Variants in CCDC71L observed in about 807,000 individuals in gnomAD.
The protein encoded by CCDC71L is coiled-coil domain-containing protein 71L.
Under a neutral mutation model 10.2 loss-of-function variants are expected in CCDC71L, and 6 were observed. The ratio of observed to expected loss-of-function variants is 0.59; its 90% CI spans 0.32 to 1.16. The LOEUF (loss-of-function observed/expected upper bound fraction) is 1.16. Among genes scored for constraint, CCDC71L ranks in the 50% most tolerant of loss-of-function variants. The pLI is 0.05. For synonymous variants in CCDC71L, 204 were observed against 175.5 expected (o/e 1.16, Z -1.28); for missense variants, 366 against 383.4 (o/e 0.95, Z 0.38).
chr7:106,660,510 C>G lies in CCDC71L; in HGVS notation c.387G>C (p.Ala129=). ...GGGCTCCGCGGCGCCTCCTCCTGGC[C>G]GCTGCGCGCGGAACCGGCCGGCGCG... ...GQARRPVPRA[A]ARRRRRGARA... The change falls in exon 1 of 1, where the codon GCG becomes GCC. Residue 129 remains alanine, a synonymous_variant. Coordinates refer to ENST00000523505, the MANE Select transcript of CCDC71L (RefSeq NM_175884.6). The surrounding 1 kb of genome is among the most constrained non-coding windows in gnomAD (Gnocchi z 7.5). 1 of 1,354,106 alleles carries G rather than the reference C, an allele frequency of 7.4e-7. No individual in the cohort carries two copies. Among genetic ancestry groups the G allele is most frequent in the Non-Finnish European group, 9.5e-7 (1 of 1,050,188 alleles). 83.9% of individuals were successfully genotyped at this position (1,354,106 alleles called of 1,614,324 possible). A position where few individuals can be genotyped will look rare whatever the true frequency, so the allele number is the denominator to read the frequency against.
At position 106,659,299 on chromosome 7, in the gene CCDC71L, T is replaced by G. The variant is rs1792545816; in HGVS notation, c.*890A>C. On this transcript the variant is annotated 3_prime_UTR_variant, in exon 1 of 1. Coordinates refer to ENST00000523505, the MANE Select transcript of CCDC71L (RefSeq NM_175884.6). Reference sequence around the variant, plus strand: ...CAAATCATCTCCAGTCGGATTCCAGTGACTCCTGTAACCAAAACCAGTTCT... The same window carrying G: ...CAAATCATCTCCAGTCGGATTCCAGGGACTCCTGTAACCAAAACCAGTTCT... 6.6e-6 allele frequency: 1 copy of G among 152,286 alleles called. No homozygotes were observed. Among genetic ancestry groups the G allele is most frequent in the Non-Finnish European group, 1.5e-5 (1 of 68,030 alleles). The allele number at this position is 152,286 out of a possible 1,614,324, so 9.4% of individuals were successfully genotyped here. A position where few individuals can be genotyped will look rare whatever the true frequency, so the allele number is the denominator to read the frequency against.
Position 106,654,907 on chromosome 7 carries a change from T to A in CCDC71L, c.*5282A>T, listed in dbSNP as rs1178735258. ...AGAATATGTACTTGAAAAAAATCCT[T>A]GAAAAGAGAAATATGTACACATTTT... is the stretch of plus-strand genomic sequence containing the variant. On this transcript the variant is annotated 3_prime_UTR_variant, in exon 1 of 1. Transcript: ENST00000523505. Among the ~76,000 whole-genome samples the A allele has an allele frequency of 6.6e-6, 1 of 152,168 alleles. No individual in the cohort carries two copies. Among genetic ancestry groups the A allele is most frequent in the Admixed American group, 6.5e-5 (1 of 15,288 alleles).
rs1425489573 is a variant in CCDC71L at position 106,660,921 on chromosome 7, G to A, written c.-25C>T. 7 of 1,343,314 alleles carry A rather than the reference G, an allele frequency of 5.2e-6. No homozygotes were observed. The Admixed American group carries it at 1.6e-4, about 31-fold the overall frequency. 83.2% of individuals were successfully genotyped at this position (1,343,314 alleles called of 1,614,324 possible). A position where few individuals can be genotyped will look rare whatever the true frequency, so the allele number is the denominator to read the frequency against. On this transcript the variant is annotated 5_prime_UTR_variant, in exon 1 of 1. Transcript: ENST00000523505. The surrounding 1 kb of genome is among the most constrained non-coding windows in gnomAD (Gnocchi z 7.5). The stretch of plus-strand genomic sequence containing the variant: ...TCGAAGGCCGCTCCGGGCCACTCAC[G>A]CTCGCCGGGTCCCACTACTGCCGCC...
rs1221571269 is a variant in CCDC71L, at chr7:106,655,828, C to A, written c.*4361G>T. Among the ~76,000 whole-genome samples the A allele has an allele frequency of 1.3e-5, 2 of 152,120 alleles. No individual in the cohort carries two copies. Among genetic ancestry groups the A allele is most frequent in the African/African-American group, 4.8e-5 (2 of 41,436 alleles). On this transcript the variant is annotated 3_prime_UTR_variant, in exon 1 of 1. Coordinates refer to ENST00000523505, the MANE Select transcript of CCDC71L (RefSeq NM_175884.6). ...ATTTCCTTATGTCTTCAATTTTATTCATGCACAAATTCTCTTCTCTTCATT... is the reference window on the plus strand; with the variant it reads ...ATTTCCTTATGTCTTCAATTTTATTAATGCACAAATTCTCTTCTCTTCATT...
In CCDC71L at chr7:106,660,360, CTCCTCCA is replaced by C; in HGVS notation, c.530_536del (p.Leu177Ter). The C allele has an allele frequency of 6.9e-7, 1 of 1,442,266 alleles. No individual in the cohort carries two copies. The highest frequency in any genetic ancestry group is 9.1e-7 in the Non-Finnish European group (1 of 1,104,814). 89.3% of individuals were successfully genotyped at this position (1,442,266 alleles called of 1,614,324 possible). ...GCGTCGGGGTGGCCGCCCTCCAGAT[CTCCTCCA>C]AGGTGCGGCCCCCGAAGCAGGGCCC... On this transcript the variant is annotated frameshift_variant, in exon 1 of 1. Transcript: ENST00000523505. LOFTEE classifies it high-confidence loss of function. The surrounding 1 kb of genome is among the most constrained non-coding windows in gnomAD (Gnocchi z 7.5).
At position 106,658,977 on chromosome 7, in the gene CCDC71L, TTTC is replaced by T. The variant is rs1303161339; in HGVS notation, c.*1209_*1211del. The T allele has an allele frequency of 6.6e-6, 1 of 152,180 alleles. No homozygotes were observed. The highest frequency in any genetic ancestry group is 1.5e-5 in the Non-Finnish European group (1 of 68,030). 9.4% of individuals were successfully genotyped at this position (152,180 alleles called of 1,614,324 possible). On this transcript the variant is annotated 3_prime_UTR_variant, in exon 1 of 1. Transcript: ENST00000523505. Reference sequence around the variant, plus strand: ...AAACTGATGAATATTAGTCTAGACATTTCTTGTTATCCAACAACAAAAACAAAA... The same window carrying T: ...AAACTGATGAATATTAGTCTAGACATTTGTTATCCAACAACAAAAACAAAA...
Position 106,658,376 on chromosome 7 carries a change from ATAT to A in CCDC71L, c.*1810_*1812del, listed in dbSNP as rs1199989998. On this transcript the variant is annotated 3_prime_UTR_variant, in exon 1 of 1. Transcript: ENST00000523505. ...ATATATATGTGTGTATATATATATC[ATAT>A]TATTTCTTTTAACAAGAACACTGAA... 6.6e-6 allele frequency: 1 copy of A among 152,186 alleles called. No individual in the cohort carries two copies. Among genetic ancestry groups the A allele is most frequent in the Non-Finnish European group, 1.5e-5 (1 of 68,032 alleles). 9.4% of individuals were successfully genotyped at this position (152,186 alleles called of 1,614,324 possible).
chr7:106,655,510 T>C lies in CCDC71L; in HGVS notation c.*4679A>G, dbSNP rs1215215085. Among the ~76,000 whole-genome samples, 1 of 152,174 alleles carries C rather than the reference T, an allele frequency of 6.6e-6. No homozygotes were observed. The highest frequency in any genetic ancestry group is 1.5e-5 in the Non-Finnish European group (1 of 68,022). On this transcript the variant is annotated 3_prime_UTR_variant, in exon 1 of 1. Transcript: ENST00000523505. ...TGAATTATAAACTTTATACAAACTA[T>C]AGCTTGGTTCTATGCATATAAATTA...
In CCDC71L at chr7:106,660,093, G is replaced by A. The variant is rs954396822; in HGVS notation, c.*96C>T. ...TGCATTGGGGGCCGGGGTCCTGGCC[G>A]GATCTGTAAACACTCGACTGACACT... On this transcript the variant is annotated 3_prime_UTR_variant, in exon 1 of 1. Coordinates refer to ENST00000523505, the MANE Select transcript of CCDC71L (RefSeq NM_175884.6). The surrounding 1 kb of genome is among the most constrained non-coding windows in gnomAD (Gnocchi z 7.5). 21 of 1,368,472 alleles carry A rather than the reference G, an allele frequency of 1.5e-5. No individual in the cohort carries two copies. The African/African-American group carries it at 1.8e-4, about 12-fold the overall frequency. 84.8% of individuals were successfully genotyped at this position (1,368,472 alleles called of 1,614,324 possible). A position where few individuals can be genotyped will look rare whatever the true frequency, so the allele number is the denominator to read the frequency against.
At position 106,660,875 on chromosome 7, in the gene CCDC71L, G is replaced by A. The variant is rs1360063520; in HGVS notation, c.22C>T (p.Arg8Trp). The A allele has an allele frequency of 4.8e-6, 7 of 1,457,228 alleles. No individual in the cohort carries two copies. The highest frequency in any genetic ancestry group is 3.0e-5 in the African/African-American group (2 of 67,318). 90.3% of individuals were successfully genotyped at this position (1,457,228 alleles called of 1,614,324 possible). A position where few individuals can be genotyped will look rare whatever the true frequency, so the allele number is the denominator to read the frequency against. ...GGGGCGACCGGGCGCCGGCGCCGCC[G>A]CCTCTTCATACTGCGCCGCATCGAA... MRRSMKR[R>W]RRRRPVAPAT... The change falls in exon 1 of 1, where the codon CGG becomes TGG. Residue 8 changes from arginine to tryptophan, a missense_variant. Physicochemically the swap from Arg to Trp is moderately radical, Grantham distance 101 (BLOSUM62 -3). Transcript: ENST00000523505. This position sits in a 1 kb window ranked among gnomAD's most constrained non-coding sequence, Gnocchi z 7.5.
Position 106,660,022 on chromosome 7 carries a change from G to T in CCDC71L, c.*167C>A. On this transcript the variant is annotated 3_prime_UTR_variant, in exon 1 of 1. Transcript: ENST00000523505. The surrounding 1 kb of genome is among the most constrained non-coding windows in gnomAD (Gnocchi z 7.5). Reference sequence around the variant, plus strand: ...CCAGCGTCCAAGACGACCGCGCCGCGGCCCGGGACAGGGACAACCATCCGG... The same window carrying T: ...CCAGCGTCCAAGACGACCGCGCCGCTGCCCGGGACAGGGACAACCATCCGG... 2.0e-6 allele frequency: 2 copies of T among 978,594 alleles called. No homozygotes were observed. The highest frequency in any genetic ancestry group is 2.8e-6 in the Non-Finnish European group (2 of 714,860). The allele number at this position is 978,594 out of a possible 1,614,324, so 60.6% of individuals were successfully genotyped here. A position where few individuals can be genotyped will look rare whatever the true frequency, so the allele number is the denominator to read the frequency against.
rs559607724 is a variant in CCDC71L at position 106,655,864 on chromosome 7, C to A, written c.*4325G>T. Reference sequence around the variant, plus strand: ...TCTCTTCTCTTCATTTATCTTACAGCTTTCCCAGAGCCACACAATATTCTT... The same window carrying A: ...TCTCTTCTCTTCATTTATCTTACAGATTTCCCAGAGCCACACAATATTCTT... On this transcript the variant is annotated 3_prime_UTR_variant, in exon 1 of 1. Coordinates refer to ENST00000523505, the MANE Select transcript of CCDC71L (RefSeq NM_175884.6). 6.6e-6 allele frequency among the ~76,000 whole-genome samples: 1 copy of A among 152,166 alleles called. No homozygotes were observed.
chr7:106,660,557 GC>G lies in CCDC71L; in HGVS notation c.339del (p.Pro115LeufsTer74). Reference protein sequence around the residue: ...SCRALVPDPPGPPTARGQARR... With the variant: ...SCRALVPDPPXPPTARGQARR... The stretch of plus-strand genomic sequence containing the variant: ...CGCGCCTGGCCGCGGGCTGTAGGGG[GC>G]CCCGGGGGGTCGGGTACCAGGGCCC... On this transcript the variant is annotated frameshift_variant, in exon 1 of 1. Transcript: ENST00000523505. LOFTEE classifies it high-confidence loss of function. The surrounding 1 kb of genome is among the most constrained non-coding windows in gnomAD (Gnocchi z 7.5). 1 of 1,525,014 alleles carries G rather than the reference GC, an allele frequency of 6.6e-7. No individual in the cohort carries two copies. The highest frequency in any genetic ancestry group is 2.0e-5 in the Admixed American group (1 of 48,890). The allele number at this position is 1,525,014 out of a possible 1,614,324, so 94.5% of individuals were successfully genotyped here.
Position 106,660,944 on chromosome 7 carries a change from G to A in CCDC71L, c.-48C>T, listed in dbSNP as rs936843490. The A allele has an allele frequency of 1.5e-6, 2 of 1,309,690 alleles. No individual in the cohort carries two copies. The highest frequency in any genetic ancestry group is 1.9e-6 in the Non-Finnish European group (2 of 1,031,014). 81.1% of individuals were successfully genotyped at this position (1,309,690 alleles called of 1,614,324 possible). The stretch of plus-strand genomic sequence containing the variant: ...ACGCTCGCCGGGTCCCACTACTGCC[G>A]CCGCCGTCCCAGTCCGCGTTGGCTC... On this transcript the variant is annotated 5_prime_UTR_variant, in exon 1 of 1. Transcript: ENST00000523505. The surrounding 1 kb of genome is among the most constrained non-coding windows in gnomAD (Gnocchi z 7.5).
Position 106,660,256 on chromosome 7 carries a change from C to T in CCDC71L, c.641G>A (p.Arg214His), listed in dbSNP as rs776174402. The part of the protein sequence containing the change: ...RSLAAARRRA[R>H]QVLRVNLEPM... ...TTCCAGGTTCACTCGCAGGACCTGG[C>T]GCGCCCTGCGCCGCGCTGCCGCCAG... Residue 214 changes from arginine (R) to histidine (H), a missense_variant, in exon 1 of 1, where the codon CGC (arginine) becomes CAC (histidine). Arg to His is a conservative substitution (Grantham distance 29). Transcript: ENST00000523505. The surrounding 1 kb of genome is among the most constrained non-coding windows in gnomAD (Gnocchi z 7.5). 5.0e-5 allele frequency: 79 copies of T among 1,572,560 alleles called. No homozygotes were observed. Among genetic ancestry groups the T allele is most frequent in the Non-Finnish European group, 6.4e-5 (75 of 1,169,514 alleles).
At position 106,657,583 on chromosome 7, in the gene CCDC71L, A is replaced by G. The variant is rs1792511573; in HGVS notation, c.*2606T>C. 1 of 152,252 alleles carries G rather than the reference A, an allele frequency of 6.6e-6. No individual in the cohort carries two copies. The highest frequency in any genetic ancestry group is 1.9e-4 in the East Asian group (1 of 5,202). The allele number at this position is 152,252 out of a possible 1,614,324, so 9.4% of individuals were successfully genotyped here. A position where few individuals can be genotyped will look rare whatever the true frequency, so the allele number is the denominator to read the frequency against. On this transcript the variant is annotated 3_prime_UTR_variant, in exon 1 of 1. Transcript: ENST00000523505. ...CAAGTTTCTTTTCACATTCTGTGAC[A>G]AAGTACCCATGAAATACTTTCACTT...
chr7:106,660,050 A>C lies in CCDC71L; in HGVS notation c.*139T>G. ...CCGGGACAGGGACAACCATCCGGCAACTTCTTCGCGCGTAAAGTGCATTGG... is the reference window on the plus strand; with the variant it reads ...CCGGGACAGGGACAACCATCCGGCACCTTCTTCGCGCGTAAAGTGCATTGG... On this transcript the variant is annotated 3_prime_UTR_variant, in exon 1 of 1. Coordinates refer to ENST00000523505, the MANE Select transcript of CCDC71L (RefSeq NM_175884.6). The surrounding 1 kb of genome is among the most constrained non-coding windows in gnomAD (Gnocchi z 7.5). 1 of 1,191,860 alleles carries C rather than the reference A, an allele frequency of 8.4e-7. No homozygotes were observed. The highest frequency in any genetic ancestry group is 1.1e-6 in the Non-Finnish European group (1 of 909,510). The allele number at this position is 1,191,860 out of a possible 1,614,324, so 73.8% of individuals were successfully genotyped here.
chr7:106,660,486 G>C lies in CCDC71L; in HGVS notation c.411C>G (p.Ala137=). 8.1e-7 allele frequency: 1 copy of C among 1,227,798 alleles called. No individual in the cohort carries two copies. The highest frequency in any genetic ancestry group is 1.0e-6 in the Non-Finnish European group (1 of 985,800). The allele number at this position is 1,227,798 out of a possible 1,614,324, so 76.1% of individuals were successfully genotyped here. Residue 137 remains alanine, a synonymous_variant, in exon 1 of 1, where the codon GCC becomes GCG. Coordinates refer to ENST00000523505, the MANE Select transcript of CCDC71L (RefSeq NM_175884.6). This position sits in a 1 kb window ranked among gnomAD's most constrained non-coding sequence, Gnocchi z 7.5. ...TCCTCCTGCGGGCAGCGGCCGCCCGGGCTCCGCGGCGCCTCCTCCTGGCCG... is the reference window on the plus strand; with the variant it reads ...TCCTCCTGCGGGCAGCGGCCGCCCGCGCTCCGCGGCGCCTCCTCCTGGCCG... ...RAAARRRRRG[A]RAAAARRRKP...
In CCDC71L at chr7:106,660,656, G is replaced by A. The variant is rs1322444572; in HGVS notation, c.241C>T (p.Leu81Phe). 3.8e-6 allele frequency: 6 copies of A among 1,588,480 alleles called. No homozygotes were observed. Among genetic ancestry groups the A allele is most frequent in the African/African-American group, 1.3e-5 (1 of 74,116 alleles). Residue 81 changes from leucine to phenylalanine, a missense_variant, in exon 1 of 1, where the codon CTC becomes TTC. Coordinates refer to ENST00000523505, the MANE Select transcript of CCDC71L (RefSeq NM_175884.6). This position sits in a 1 kb window ranked among gnomAD's most constrained non-coding sequence, Gnocchi z 7.5. ...GAGAACTGGTGCTTGAGGCTGCAGA[G>A]GAAGCTCCAGAGCTCCGCGTCCGAG... ...MSSDAELWSF[L>F]CSLKHQFSPH... is the part of the protein sequence containing the mutation.
Sources: gnomAD v4.1 joint callset for allele counts (sites outside exome capture counted in the v4.1 genomes callset) on GRCh38, gnomAD v4.1.1 for gene constraint, Gnocchi (gnomAD v3.1) non-coding constraint, MANE v1.5 for transcripts, NCBI Gene and HGNC (gene_info 2026-07-23, HGNC 2026-07-21) for gene names.